DLG2: variants seen among roughly 807,000 people sequenced by gnomAD.
The protein encoded by DLG2 is discs large MAGUK scaffold protein 2.
A neutral mutation model predicts 132.5 loss-of-function variants in DLG2; 45 were observed. That is an observed-to-expected ratio of 0.34 (90% CI 0.27 to 0.44). The LOEUF (loss-of-function observed/expected upper bound fraction) is 0.44. DLG2 is among the 20% of genes least tolerant of loss of function. DLG2 has a pLI of 1.00. For synonymous variants in DLG2, 424 were observed against 419.6 expected, an observed-to-expected ratio of 1.01 and a Z score of -0.13; for missense variants, 1,045 against 1,196.9, an observed-to-expected ratio of 0.87 and a Z score of 1.87.
At chr11:84,550,052 A>G (rs2099398659) in intron 6 of DLG2, among the ~76,000 whole-genome samples, 1 of 151,902 alleles carries the variant, frequency 6.6e-6, no homozygotes, top group Admixed American at 6.6e-5. Flanking sequence ...CACCACACCC[A>G]GCATTCCTAT....
chr11:84,931,765 C>T (rs1289175283), intron 6 of DLG2, among the ~76,000 whole-genome samples: 1 of 152,142 alleles, frequency 6.6e-6, no homozygotes, highest in Non-Finnish European at 1.5e-5. Context: ...TTATCCACAA[C>T]CTTGCCAGCA....
intron 4 of DLG2, among the ~76,000 whole-genome samples, chr11:85,275,267 T>C (rs1443354313): frequency 6.6e-6 from 1 of 152,022 alleles, no homozygotes; most frequent in Non-Finnish European, 1.5e-5. Context: ...ACAACTCGGG[T>C]TTTTCTGCTA....
In DLG2 at chr11:84,242,125, G is replaced by A. The variant is rs573048657; in HGVS notation, c.573+9113C>T. Among the ~76,000 whole-genome samples the A allele has an allele frequency of 2.2e-4, 33 of 152,266 alleles. No homozygotes were observed. In the East Asian group the frequency reaches 5.0e-3, roughly 23 times the overall value. Reference sequence around the variant, plus strand: ...AGGGGAACCCCTCTAAGAAAGACGGGCCAATATTGCTACTTTCACATAACA... The same window carrying A: ...AGGGGAACCCCTCTAAGAAAGACGGACCAATATTGCTACTTTCACATAACA... On this transcript the variant is annotated intron_variant, in intron 8 of 27. Coordinates refer to ENST00000376104, the MANE Select transcript of DLG2 (RefSeq NM_001142699.3).
intron 6 of DLG2, among the ~76,000 whole-genome samples, chr11:84,945,324 C>T (rs1303677235): frequency 6.6e-6 from 1 of 152,220 alleles, no homozygotes; most frequent in Admixed American, 6.5e-5. Flanking sequence ...AGAGGTAACA[C>T]CGTGGTGTTC....
At chr11:83,533,104 T>C (rs907539735) in intron 20 of DLG2, among the ~76,000 whole-genome samples, 1 of 152,212 alleles carries the variant, frequency 6.6e-6, no homozygotes, top group Admixed American at 6.5e-5. Flanking sequence ...TCTCAGTTCA[T>C]AAAGATGAAC....
At chr11:84,584,887 A>C (rs538839764) in intron 6 of DLG2, among the ~76,000 whole-genome samples, 12 of 147,716 alleles carry the variant, frequency 8.1e-5, no homozygotes, top group Non-Finnish European at 1.3e-4. Flanking sequence ...ACGGGGTTTC[A>C]CCGTTTTAGT....
intron 21 of DLG2, among the ~76,000 whole-genome samples, chr11:83,521,399 T>A (rs1479636361): frequency 1.3e-5 from 2 of 152,044 alleles, no homozygotes; most frequent in East Asian, 3.9e-4. Context: ...TTAGTGACAA[T>A]TTTTTTTATT....
At chr11:83,776,428 C>T (rs2094586035) in intron 18 of DLG2, among the ~76,000 whole-genome samples, 1 of 152,208 alleles carries the variant, frequency 6.6e-6, no homozygotes, top group African/African-American at 2.4e-5. Flanking sequence ...TGCCACCATG[C>T]TTATCCAACT....
intron 6 of DLG2, among the ~76,000 whole-genome samples, chr11:84,808,983 A>C (rs1215541458): frequency 6.6e-6 from 1 of 151,954 alleles, no homozygotes; most frequent in Non-Finnish European, 1.5e-5. Context: ...CTTCAGACAA[A>C]AGACAAAAGA....
intron 6 of DLG2, among the ~76,000 whole-genome samples, chr11:84,782,838 C>A (rs1360652743): frequency 6.6e-6 from 1 of 152,130 alleles, no homozygotes; most frequent in Non-Finnish European, 1.5e-5. Context: ...TGTCATTGAT[C>A]ACTTTTAATT....
intron 6 of DLG2, among the ~76,000 whole-genome samples, chr11:84,988,578 G>A (rs1293354058): frequency 6.6e-6 from 1 of 152,108 alleles, no homozygotes; most frequent in East Asian, 1.9e-4. Context: ...GCAGCAACCT[G>A]GATGAGATTG....
intron 14 of DLG2, among the ~76,000 whole-genome samples, chr11:83,931,165 G>A (rs957064503): frequency 6.6e-6 from 1 of 152,096 alleles, no homozygotes; most frequent in African/African-American, 2.4e-5. Context: ...AATTATGTTT[G>A]GAGTCCATCT....
At chr11:84,173,997 T>G (rs1051972663) in intron 8 of DLG2, among the ~76,000 whole-genome samples, 1 of 94,092 alleles carries the variant, frequency 1.1e-5, no homozygotes, top group African/African-American at 3.5e-5. Flanking sequence ...ACCTGAGTTT[T>G]GACTTCACCC....
chr11:84,363,966 A>T (rs1266734201), intron 7 of DLG2, among the ~76,000 whole-genome samples: 5 of 152,050 alleles, frequency 3.3e-5, no homozygotes, highest in South Asian at 2.1e-4. Context: ...TTTGTTCTTT[A>T]GGCTTAGGAT....
rs116208396 is a variant in DLG2 at position 84,219,988 on chromosome 11, C to T, written c.573+31250G>A. The stretch of plus-strand genomic sequence containing the variant: ...ACAGGCAAAATCTCACATTGTTCCA[C>T]CTGTCAGGAATACTTACATATCTAA... On this transcript the variant is annotated intron_variant, in intron 8 of 27. Transcript: ENST00000376104. 5.9e-3 allele frequency among the ~76,000 whole-genome samples: 893 copies of T among 152,270 alleles called. 9 individuals carry two copies. The highest frequency in any genetic ancestry group is 0.02 in the Middle Eastern group (6 of 294).
chr11:84,031,791 G>A (rs1030921396), intron 11 of DLG2, among the ~76,000 whole-genome samples: 1 of 152,066 alleles, frequency 6.6e-6, no homozygotes, highest in African/African-American at 2.4e-5. Flanking sequence ...TTTACAAATT[G>A]AAAGTTTGTG....
intron 21 of DLG2, among the ~76,000 whole-genome samples, chr11:83,530,405 T>A (rs12271855): frequency 6.6e-6 from 1 of 151,680 alleles, no homozygotes; most frequent in Non-Finnish European, 1.5e-5. Flanking sequence ...CCTGAGAAAT[T>A]ATAGCTTTTT....
chr11:85,604,483 G>A (rs1324675172), intron 2 of DLG2, among the ~76,000 whole-genome samples: 1 of 152,146 alleles, frequency 6.6e-6, no homozygotes, highest in Non-Finnish European at 1.5e-5. Context: ...ATTGAATAAA[G>A]TGGAAAGCTG....
intron 6 of DLG2, among the ~76,000 whole-genome samples, chr11:84,900,366 G>A (rs2090734248): frequency 6.6e-6 from 1 of 151,934 alleles, no homozygotes. Context: ...CAAATATTCT[G>A]TACTATATTA....
Sources: gnomAD v4.1 joint callset for allele counts (sites outside exome capture counted in the v4.1 genomes callset) on GRCh38, gnomAD v4.1.1 for gene constraint, MANE v1.5 for transcripts, NCBI Gene and HGNC (gene_info 2026-07-23, HGNC 2026-07-21) for gene names.